Variants in GLRA2 observed in about 807,000 individuals in gnomAD.
The protein encoded by GLRA2 is glycine receptor subunit alpha-2.
GLRA2 carries 11 observed loss-of-function variants against 31.6 expected under a neutral mutation model. The ratio of observed to expected loss-of-function variants is 0.35; its 90% CI spans 0.22 to 0.58. The LOEUF is 0.58. Ranked by LOEUF, GLRA2 falls within the 20% of genes least tolerant of loss-of-function variation. The probability of loss-of-function intolerance (pLI) is 0.84; values close to 1 mark genes in which losing one functional copy is unlikely to be tolerated. For synonymous variants in GLRA2, 132 were observed against 134.0 expected (o/e 0.99, Z 0.10); for missense variants, 212 against 351.8 (o/e 0.60, Z 3.18).
intron 7 of GLRA2, among the ~76,000 whole-genome samples, chrX:14,659,433 T>C (rs12859008): frequency 0.064 from 7,055 of 109,770 alleles, 254 homozygotes; most frequent in Admixed American, 0.12. Context: ...GAACTACTTA[T>C]AGGATTTAAA....
chrX:14,627,218 C>T (rs1448249049), intron 7 of GLRA2, among the ~76,000 whole-genome samples: 1 of 111,313 alleles, frequency 9.0e-6, no homozygotes, highest in African/African-American at 3.3e-5. Context: ...TTTCCTTTTC[C>T]AGAATAAAAA....
chrX:14,454,176 ACACC>A, the GLRA2 span, among the ~76,000 whole-genome samples: 2,024 of 8,258 alleles, frequency 0.25, 40 homozygotes, highest in African/African-American at 0.46. Context: ...ACACACACCC[ACACC>A]CACACACCCA....
chrX:14,557,134 G>C (rs1601708467), intron 2 of GLRA2, among the ~76,000 whole-genome samples: 1 of 22,723 alleles, frequency 4.4e-5, no homozygotes, highest in Admixed American at 7.1e-4. Context: ...TTTTTTTTTT[G>C]AGACGGAGTC....
the GLRA2 span, among the ~76,000 whole-genome samples, chrX:14,498,552 A>G: frequency 1.8e-5 from 2 of 111,079 alleles, no homozygotes; most frequent in East Asian, 5.6e-4. Context: ...TATAATTTGT[A>G]CAGATCAAAT....
intron 8 of GLRA2, among the ~76,000 whole-genome samples, chrX:14,702,022 G>A (rs1183913120): frequency 1.8e-5 from 2 of 112,225 alleles, no homozygotes; most frequent in African/African-American, 6.5e-5. Flanking sequence ...TAGTGCCAGG[G>A]AGTTGAGCCT....
At chrX:14,484,153 T>C in the GLRA2 span, among the ~76,000 whole-genome samples, 7 of 111,958 alleles carry the variant, frequency 6.3e-5, no homozygotes, top group African/African-American at 2.3e-4. Flanking sequence ...ATTAGTTCTG[T>C]CTGTCTAGAG....
intron 7 of GLRA2, among the ~76,000 whole-genome samples, chrX:14,633,262 G>C (rs2090672119): frequency 8.9e-6 from 1 of 111,887 alleles, no homozygotes; most frequent in Non-Finnish European, 1.9e-5. Context: ...TTGGGAGGCT[G>C]AGTTGGGAGG....
chrX:14,505,771 G>C, the GLRA2 span, among the ~76,000 whole-genome samples: 4 of 111,569 alleles, frequency 3.6e-5, no homozygotes. Flanking sequence ...ATAAAAACCA[G>C]ATAAAGCAGA....
At chrX:14,726,899 G>A (rs2091935575) in intron 8 of GLRA2, among the ~76,000 whole-genome samples, 1 of 111,830 alleles carries the variant, frequency 8.9e-6, no homozygotes, top group Non-Finnish European at 1.9e-5. Context: ...TTACTGAGGC[G>A]GTGAACTATA....
intron 2 of GLRA2, among the ~76,000 whole-genome samples, chrX:14,568,560 G>A (rs1458555711): frequency 9.1e-6 from 1 of 110,233 alleles, no homozygotes; most frequent in African/African-American, 3.3e-5. Flanking sequence ...GGGCGTGGTG[G>A]CACATGCCTG....
intron 8 of GLRA2, among the ~76,000 whole-genome samples, chrX:14,719,853 A>G: frequency 8.9e-6 from 1 of 112,347 alleles, no homozygotes; most frequent in Non-Finnish European, 1.9e-5. Flanking sequence ...TACATAATGG[A>G]GTACTATTCA....
chrX:14,471,873 T>C, the GLRA2 span, among the ~76,000 whole-genome samples: 1 of 111,744 alleles, frequency 8.9e-6, no homozygotes, highest in East Asian at 2.8e-4. Flanking sequence ...CAAGAAAGAG[T>C]AGATTTCACA....
chrX:14,572,656 G>A (rs1024515642), intron 2 of GLRA2, among the ~76,000 whole-genome samples: 30 of 112,056 alleles, frequency 2.7e-4, no homozygotes, highest in African/African-American at 7.8e-4. Flanking sequence ...AAGAGGGGCC[G>A]GGACAAATTA....
At chrX:14,469,820 A>G in the GLRA2 span, among the ~76,000 whole-genome samples, 5 of 109,384 alleles carry the variant, frequency 4.6e-5, no homozygotes, top group Admixed American at 9.8e-5. Flanking sequence ...CATTGTACAC[A>G]TGTACCCTAA....
chrX:14,513,676 A>G, the GLRA2 span, among the ~76,000 whole-genome samples: 2 of 112,122 alleles, frequency 1.8e-5, no homozygotes, highest in African/African-American at 6.5e-5. Context: ...GCTCAACATC[A>G]CTAATGATCA....
intron 7 of GLRA2, among the ~76,000 whole-genome samples, chrX:14,621,125 A>G (rs1250026699): frequency 9.0e-6 from 1 of 111,564 alleles, no homozygotes; most frequent in Admixed American, 9.5e-5. Context: ...AAGTACTGTA[A>G]AGAGACAGTG....
At chrX:14,554,399 G>A (rs1314167329) in intron 2 of GLRA2, among the ~76,000 whole-genome samples, 1 of 111,544 alleles carries the variant, frequency 9.0e-6, no homozygotes, top group Non-Finnish European at 1.9e-5. Flanking sequence ...AGGAACAGAG[G>A]AGGGAAATGA....
At chrX:14,465,746 T>C in the GLRA2 span, among the ~76,000 whole-genome samples, 1 of 112,007 alleles carries the variant, frequency 8.9e-6, no homozygotes, top group African/African-American at 3.2e-5. Flanking sequence ...ATAGCATGCA[T>C]TGAAGAAAAC....
intron 7 of GLRA2, among the ~76,000 whole-genome samples, chrX:14,631,779 C>T (rs1313564170): frequency 1.1e-5 from 1 of 91,426 alleles, no homozygotes. Context: ...CAGAGGAATC[C>T]TCTGCAGACC....
Sources: allele counts gnomAD v4.1 joint callset (sites outside exome capture counted in the v4.1 genomes callset), GRCh38; gene constraint gnomAD v4.1.1; transcripts MANE v1.5; gene names NCBI Gene and HGNC (gene_info 2026-07-23, HGNC 2026-07-21).